Variants in NUMB observed in about 807,000 individuals in gnomAD.
NUMB encodes protein numb homolog.
In NUMB, 29 loss-of-function variants were observed where a neutral mutation model predicts 59.7. The ratio of observed to expected loss-of-function variants is 0.49; its 90% CI spans 0.36 to 0.66. The LOEUF (loss-of-function observed/expected upper bound fraction) is 0.66. Ranked by LOEUF, NUMB falls within the 30% of genes least tolerant of loss-of-function variation. The pLI, the probability that NUMB is intolerant of heterozygous loss-of-function variation, is 0.00. For missense variants in NUMB, 723 were observed against 822.0 expected, an observed-to-expected ratio of 0.88 and a Z score of 1.47; for synonymous variants, 288 against 288.2, an observed-to-expected ratio of 1.00 and a Z score of 0.01.
At chr14:73,388,465 G>T (rs926382214) in intron 2 of NUMB, among the ~76,000 whole-genome samples, 1 of 151,922 alleles carries the variant, frequency 6.6e-6, no homozygotes, top group Non-Finnish European at 1.5e-5. Flanking sequence ...AAGTAAATCT[G>T]GTGTTTATCA....
Position 73,359,227 on chromosome 14 carries a change from T to C in NUMB, c.-15-3461A>G, listed in dbSNP as rs571765099. Among the ~76,000 whole-genome samples the C allele has an allele frequency of 5.9e-5, 9 of 152,354 alleles. No individual in the cohort carries two copies. The South Asian group carries it at 1.9e-3, about 32-fold the overall frequency. On this transcript the variant is annotated intron_variant, in intron 3 of 12. Coordinates refer to ENST00000555238, the MANE Select transcript of NUMB (RefSeq NM_001005743.2). ...ATGAATAATTATCACTAGCCTGTAA[T>C]TCTACCTACTCAGGAAGCTGAGGCA... is the stretch of plus-strand genomic sequence containing the variant.
intron 2 of NUMB, among the ~76,000 whole-genome samples, chr14:73,389,284 A>AC (rs1405360790): frequency 2.0e-5 from 2 of 101,340 alleles, no homozygotes; most frequent in Non-Finnish European, 3.7e-5. Flanking sequence ...AAAAAAAAAA[A>AC]AAAAAAAAAC....
chr14:73,417,817 G>T (rs1269893325), intron 1 of NUMB, among the ~76,000 whole-genome samples: 2 of 152,154 alleles, frequency 1.3e-5, no homozygotes, highest in Admixed American at 6.6e-5. Context: ...TAAACAAAAT[G>T]TAGTCTAGGC....
At chr14:73,421,262 G>A (rs959843618) in intron 1 of NUMB, among the ~76,000 whole-genome samples, 5 of 151,996 alleles carry the variant, frequency 3.3e-5, no homozygotes, top group Admixed American at 3.3e-4. Context: ...TCGGCCCACT[G>A]CAACCTCCAC....
intron 3 of NUMB, among the ~76,000 whole-genome samples, chr14:73,357,411 A>G (rs1566759309): frequency 6.9e-6 from 1 of 144,246 alleles, no homozygotes; most frequent in Non-Finnish European, 1.5e-5. Flanking sequence ...AAAAAAAAAA[A>G]AAGAAAGAAA....
chr14:73,284,380 G>C lies in NUMB; in HGVS notation c.656-6C>G, dbSNP rs1234958951. 6.2e-7 allele frequency: 1 copy of C among 1,605,016 alleles called. No individual in the cohort carries two copies. Among genetic ancestry groups the C allele is most frequent in the Non-Finnish European group, 8.5e-7 (1 of 1,174,590 alleles). Reference sequence around the variant, plus strand: ...GACTATCTTATCTGTTTCAGCTCAAGAAAATAAAGAGAATGAAGACCTTAG... The same window carrying C: ...GACTATCTTATCTGTTTCAGCTCAACAAAATAAAGAGAATGAAGACCTTAG... On this transcript the variant is annotated splice_polypyrimidine_tract_variant and splice_region_variant and intron_variant, in intron 9 of 12. Coordinates refer to ENST00000555238, the MANE Select transcript of NUMB (RefSeq NM_001005743.2).
chr14:73,437,778 AAAC>A (rs1898120151), intron 1 of NUMB, among the ~76,000 whole-genome samples: 1 of 152,228 alleles, frequency 6.6e-6, no homozygotes, highest in Non-Finnish European at 1.5e-5. Context: ...CGGGGACATG[AAAC>A]AACAACTTTC....
intron 2 of NUMB, among the ~76,000 whole-genome samples, chr14:73,407,071 G>C (rs552661553): frequency 6.6e-6 from 1 of 151,838 alleles, no homozygotes; most frequent in Non-Finnish European, 1.5e-5. Flanking sequence ...TCCAACTCCC[G>C]GCCTCAAGTA....
At chr14:73,448,185 T>C (rs2140203181) in intron 1 of NUMB, among the ~76,000 whole-genome samples, 1 of 152,274 alleles carries the variant, frequency 6.6e-6, no homozygotes, top group South Asian at 2.1e-4. Flanking sequence ...TATCTTTCCT[T>C]CATACCACCA....
intron 2 of NUMB, among the ~76,000 whole-genome samples, chr14:73,380,878 C>T (rs1895202921): frequency 6.6e-6 from 1 of 152,036 alleles, no homozygotes; most frequent in South Asian, 2.1e-4. Context: ...GTGCGTGCTA[C>T]CACACCCAGC....
In NUMB at chr14:73,323,155, T is replaced by C; in HGVS notation, c.176A>G (p.Glu59Gly). 6.2e-7 allele frequency: 1 copy of C among 1,613,576 alleles called. No homozygotes were observed. The highest frequency in any genetic ancestry group is 1.1e-5 in the South Asian group (1 of 91,036). Reference sequence around the variant, plus strand: ...AGCTTTCAATCTTTTTACAGCATCTTCACAGATGTGCATTCCTCTTGATTC... The same window carrying C: ...AGCTTTCAATCTTTTTACAGCATCTCCACAGATGTGCATTCCTCTTGATTC... ...VDESRGMHIC[E>G]DAVKRLKAER... The change falls in exon 5 of 13, where the codon GAA becomes GGA. Residue 59 changes from glutamate (E) to glycine (G), a missense_variant. Glu to Gly is a moderately conservative substitution (Grantham distance 98, BLOSUM62 -2). Around this residue, in one of 2 missense-constraint regions of NUMB, gnomAD observed 317 missense variants for 436.6 expected, o/e 0.73. Coordinates refer to ENST00000555238, the MANE Select transcript of NUMB (RefSeq NM_001005743.2).
At chr14:73,434,770 C>T (rs947921664) in intron 1 of NUMB, among the ~76,000 whole-genome samples, 1 of 152,030 alleles carries the variant, frequency 6.6e-6, no homozygotes, top group Non-Finnish European at 1.5e-5. Context: ...AGCCTGAAGT[C>T]TTTCTTTTGA....
At chr14:73,407,906 T>A (rs1278834111) in intron 2 of NUMB, among the ~76,000 whole-genome samples, 1 of 152,116 alleles carries the variant, frequency 6.6e-6, no homozygotes, top group South Asian at 2.1e-4. Context: ...AACAAAATAC[T>A]CTGTAACTTT....
chr14:73,456,268 C>T (rs957565797), intron 1 of NUMB, among the ~76,000 whole-genome samples: 1 of 152,076 alleles, frequency 6.6e-6, no homozygotes, highest in Non-Finnish European at 1.5e-5. Flanking sequence ...CGCCACCACG[C>T]CCAGCTAATT....
intron 2 of NUMB, among the ~76,000 whole-genome samples, chr14:73,405,448 T>C (rs1437901454): frequency 6.7e-6 from 1 of 148,954 alleles, no homozygotes; most frequent in Non-Finnish European, 1.5e-5. Context: ...TTTTTTTTTT[T>C]TTTTTTTTTG....
intron 5 of NUMB, among the ~76,000 whole-genome samples, chr14:73,319,915 A>G (rs1891307370): frequency 6.6e-6 from 1 of 152,140 alleles, no homozygotes; most frequent in Admixed American, 6.5e-5. Flanking sequence ...GTGGATCACG[A>G]GGTCATGAAT....
At chr14:73,445,645 C>T (rs1883443763) in intron 1 of NUMB, among the ~76,000 whole-genome samples, 1 of 152,118 alleles carries the variant, frequency 6.6e-6, no homozygotes, top group African/African-American at 2.4e-5. Context: ...ATGTAGCTAA[C>T]ATTTACTGGG....
intron 2 of NUMB, among the ~76,000 whole-genome samples, chr14:73,384,310 C>T (rs145913092): frequency 0.051 from 7,816 of 151,978 alleles, 652 homozygotes; most frequent in African/African-American, 0.18. Flanking sequence ...AGGATGGTCT[C>T]GATCTCCTGA....
chr14:73,281,631 C>A (rs1250059780), intron 11 of NUMB: 7 of 152,230 alleles, frequency 4.6e-5, no homozygotes, highest in Non-Finnish European at 1.5e-5. Context: ...ACCTCTGAGT[C>A]AATATCCACT....
Sources: allele counts gnomAD v4.1 joint callset (sites outside exome capture counted in the v4.1 genomes callset), GRCh38; gene constraint gnomAD v4.1.1; regional missense constraint gnomAD v4.1.1; transcripts MANE v1.5; gene names NCBI Gene and HGNC (gene_info 2026-07-23, HGNC 2026-07-21).